NTNG2: variants seen among roughly 807,000 people sequenced by gnomAD.
NTNG2 encodes netrin-G2.
Under a neutral mutation model 47.6 loss-of-function variants are expected in NTNG2, and 15 were observed. That is an observed-to-expected ratio of 0.32 (90% CI 0.21 to 0.49). The LOEUF is 0.49. Ranked by LOEUF, NTNG2 falls within the 20% of genes least tolerant of loss-of-function variation. NTNG2 has a pLI of 0.99. For missense variants in NTNG2, 578 were observed against 764.6 expected, an observed-to-expected ratio of 0.76 and a Z score of 2.88; for synonymous variants, 307 against 324.6, an observed-to-expected ratio of 0.95 and a Z score of 0.58.
rs567196758 is a variant in NTNG2, at chr9:132,226,151, C to A, written c.858-698C>A. ...CGTGAAATGCTTCTATAAAAAGAAGCTTCCCCTCATCAACTTTCGGTTACC... is the reference window on the plus strand; with the variant it reads ...CGTGAAATGCTTCTATAAAAAGAAGATTCCCCTCATCAACTTTCGGTTACC... On this transcript the variant is annotated intron_variant, in intron 3 of 7. Coordinates refer to ENST00000393229, the MANE Select transcript of NTNG2 (RefSeq NM_032536.4). This position sits in a 1 kb window ranked among gnomAD's most constrained non-coding sequence, Gnocchi z 4.8. Among the ~76,000 whole-genome samples the A allele has an allele frequency of 6.6e-6, 1 of 152,344 alleles. No homozygotes were observed. Among genetic ancestry groups the A allele is most frequent in the South Asian group, 2.1e-4 (1 of 4,826 alleles).
rs916357115 is a variant in NTNG2 at position 132,201,182 on chromosome 9, C to T, written c.857+2573C>T. ...TGCTCAGGGCCTGGTGGTGCCCCTT[C>T]AACCCCAGCAGGGTGACCTGGGGTT... On this transcript the variant is annotated intron_variant, in intron 3 of 7. Transcript: ENST00000393229. Among the ~76,000 whole-genome samples, 8 of 152,376 alleles carry T rather than the reference C, an allele frequency of 5.3e-5. No individual in the cohort carries two copies. The South Asian group carries it at 8.3e-4, about 16-fold the overall frequency.
At chr9:132,204,404 C>T (rs560397682) in intron 3 of NTNG2, among the ~76,000 whole-genome samples, 78 of 152,220 alleles carry the variant, frequency 5.1e-4, no homozygotes, top group Non-Finnish European at 7.6e-4. Context: ...GGACGGACAC[C>T]GGACTAGAAT....
chr9:132,167,021 C>T lies in NTNG2; in HGVS notation c.190C>T (p.Pro64Ser), dbSNP rs1330996780. Residue 64 changes from proline to serine, a missense_variant, in exon 2 of 8, where the codon CCC becomes TCC. Pro to Ser is a moderately conservative substitution (Grantham distance 74). Transcript: ENST00000393229. ...GCCCTCAGGCATCACATGTGGAGAC[C>T]CCCCTGAGAGGTTCTGCTCCCATGT... Reference protein sequence around the residue: ...VEPSGITCGDPPERFCSHENP... With the variant: ...VEPSGITCGDSPERFCSHENP... 1.2e-6 allele frequency: 2 copies of T among 1,614,178 alleles called. No individual in the cohort carries two copies. Among genetic ancestry groups the T allele is most frequent in the South Asian group, 1.1e-5 (1 of 91,086 alleles).
chr9:132,195,582 C>T (rs191946418), intron 2 of NTNG2, among the ~76,000 whole-genome samples: 6 of 151,454 alleles, frequency 4.0e-5, no homozygotes, highest in African/African-American at 1.2e-4. Flanking sequence ...CCGCCTCGGC[C>T]TCCCAAAGTG....
intron 3 of NTNG2, among the ~76,000 whole-genome samples, chr9:132,200,043 A>G (rs1038687198): frequency 3.3e-5 from 5 of 152,220 alleles, no homozygotes; most frequent in Non-Finnish European, 5.9e-5. Flanking sequence ...GGCCATCTGT[A>G]GAATGGGGAT....
At chr9:132,178,140 G>C (rs1163285204) in intron 2 of NTNG2, among the ~76,000 whole-genome samples, 1 of 152,206 alleles carries the variant, frequency 6.6e-6, no homozygotes, top group African/African-American at 2.4e-5. Context: ...TTGATGACTA[G>C]GCCACAGTGA....
intron 3 of NTNG2, among the ~76,000 whole-genome samples, chr9:132,210,828 G>T (rs1468656132): frequency 6.6e-6 from 1 of 152,086 alleles, no homozygotes; most frequent in Non-Finnish European, 1.5e-5. Flanking sequence ...CATTGTAGAG[G>T]ATCCCTGGCC....
chr9:132,203,015 T>A (rs1177795522), intron 3 of NTNG2, among the ~76,000 whole-genome samples: 1 of 152,202 alleles, frequency 6.6e-6, no homozygotes, highest in African/African-American at 2.4e-5. Flanking sequence ...AGTGTCTCAT[T>A]CCTCTGGTTA....
intron 4 of NTNG2, among the ~76,000 whole-genome samples, chr9:132,228,916 G>A (rs1344918556): frequency 1.3e-5 from 2 of 151,984 alleles, no homozygotes; most frequent in Non-Finnish European, 1.5e-5. Flanking sequence ...CCCATCTCTG[G>A]CCACCTGAGA....
intron 4 of NTNG2, among the ~76,000 whole-genome samples, chr9:132,228,260 G>A (rs376549523): frequency 5.3e-5 from 8 of 152,272 alleles, no homozygotes; most frequent in East Asian, 1.9e-4. Context: ...CATGTCACGC[G>A]TGTGCTACAG....
chr9:132,231,002 G>A lies in NTNG2; in HGVS notation c.1054+407G>A, dbSNP rs1037057426. The stretch of plus-strand genomic sequence containing the variant: ...TCTGGGAGAGCAGTCTCTCCTGCCA[G>A]TCAAGAGTGGGGTGACCTTCCCCCA... On this transcript the variant is annotated intron_variant, in intron 5 of 7. Transcript: ENST00000393229. The surrounding 1 kb of genome is among the most constrained non-coding windows in gnomAD (Gnocchi z 4.1). 6.6e-6 allele frequency among the ~76,000 whole-genome samples: 1 copy of A among 152,112 alleles called. No homozygotes were observed. The highest frequency in any genetic ancestry group is 1.5e-5 in the Non-Finnish European group (1 of 67,982).
intron 4 of NTNG2, 43 bp downstream of exon 4, chr9:132,227,064 T>C (rs1840821278): frequency 6.5e-7 from 1 of 1,539,314 alleles, no homozygotes; most frequent in South Asian, 1.2e-5. Flanking sequence ...ATGGCTATAA[T>C]CTTCCCTGCC....
intron 5 of NTNG2, chr9:132,232,809 C>T (rs972153439): frequency 8.0e-6 from 1 of 125,752 alleles, no homozygotes; most frequent in South Asian, 2.5e-4. Flanking sequence ...GATCCTTCCC[C>T]CTTGGGGGGT....
chr9:132,197,887 G>A lies in NTNG2; in HGVS notation c.214-79G>A. Reference sequence around the variant, plus strand: ...AGCAGGTTTCTCGGTTCGCAGGCAGGGGCTAGGCCGCGCAGAGGCTTCCCA... The same window carrying A: ...AGCAGGTTTCTCGGTTCGCAGGCAGAGGCTAGGCCGCGCAGAGGCTTCCCA... On this transcript the variant is annotated intron_variant, in intron 2 of 7. Coordinates refer to ENST00000393229, the MANE Select transcript of NTNG2 (RefSeq NM_032536.4). This position sits in a 1 kb window ranked among gnomAD's most constrained non-coding sequence, Gnocchi z 4.3. 7.1e-7 allele frequency: 1 copy of A among 1,414,790 alleles called. No homozygotes were observed. Among genetic ancestry groups the A allele is most frequent in the Non-Finnish European group, 9.6e-7 (1 of 1,045,900 alleles). 87.6% of individuals were successfully genotyped at this position (1,414,790 alleles called of 1,614,324 possible).
At chr9:132,230,774 C>T (rs1298532824) in intron 5 of NTNG2, among the ~76,000 whole-genome samples, 179 bp downstream of exon 5, 1 of 151,120 alleles carries the variant, frequency 6.6e-6, no homozygotes, top group Non-Finnish European at 1.5e-5. Flanking sequence ...TCCACCTCCC[C>T]CCCTCCACCC....
intron 2 of NTNG2, among the ~76,000 whole-genome samples, chr9:132,171,680 G>A (rs571517245): frequency 2.0e-5 from 3 of 152,380 alleles, no homozygotes; most frequent in African/African-American, 7.2e-5. Context: ...GCTGTTGAAT[G>A]CAGACAGCAG....
intron 2 of NTNG2, among the ~76,000 whole-genome samples, chr9:132,169,214 C>T (rs991253690): frequency 1.1e-4 from 17 of 152,386 alleles, no homozygotes; most frequent in African/African-American, 2.4e-4. Context: ...CTCGGCGTCT[C>T]GCCACCTGTG....
chr9:132,194,639 G>T (rs1326211703), intron 2 of NTNG2, among the ~76,000 whole-genome samples: 2 of 152,234 alleles, frequency 1.3e-5, no homozygotes, highest in African/African-American at 4.8e-5. Context: ...GTCCTACCCT[G>T]GCCCGGGCCT....
chr9:132,171,086 G>A (rs368821360), intron 2 of NTNG2, among the ~76,000 whole-genome samples: 1 of 152,152 alleles, frequency 6.6e-6, no homozygotes, highest in African/African-American at 2.4e-5. Context: ...CCCAGATGCG[G>A]GCCTTGCTTG....
Sources: gnomAD v4.1 joint callset for allele counts (sites outside exome capture counted in the v4.1 genomes callset) on GRCh38, gnomAD v4.1.1 for gene constraint, Gnocchi (gnomAD v3.1) non-coding constraint, MANE v1.5 for transcripts, NCBI Gene and HGNC (gene_info 2026-07-23, HGNC 2026-07-21) for gene names.